The following BICC1 variants were observed in gnomAD, a reference collection of about 807,000 sequenced individuals.
BICC1 encodes the protein protein bicaudal C homolog 1.
BICC1 carries 43 observed loss-of-function variants against 111.0 expected under a neutral mutation model. The ratio of observed to expected loss-of-function variants is 0.39; its 90% confidence interval spans 0.30 to 0.50. BICC1 has a LOEUF of 0.50. Ranked by LOEUF, BICC1 falls within the 20% of genes least tolerant of loss-of-function variation. The probability of loss-of-function intolerance (pLI) is 0.88; values close to 1 mark genes in which losing one functional copy is unlikely to be tolerated. For missense variants in BICC1, 1,091 were observed against 1,203.2 expected (o/e 0.91, Z 1.38); for synonymous variants, 467 against 434.4 (o/e 1.07, Z -0.93).
At chr10:58,798,340 A>C in intron 10 of BICC1, 59 bp from the exon 11 acceptor site, 2 of 1,301,576 alleles carry the variant, frequency 1.5e-6, no homozygotes, top group Non-Finnish European at 2.1e-6. Context: ...TATTGGTGCC[A>C]TCTCTATTTT....
chr10:58,612,751 A>G (rs1198538236), intron 1 of BICC1, among the ~76,000 whole-genome samples: 1 of 152,236 alleles, frequency 6.6e-6, no homozygotes, highest in Non-Finnish European at 1.5e-5. Context: ...TAATGTTTAA[A>G]GATGTTTCAT....
rs1305781396 is a variant in BICC1, at chr10:58,796,546, A to G, written c.1366+20A>G. 1 of 1,587,964 alleles carries G rather than the reference A, an allele frequency of 6.3e-7. No individual in the cohort carries two copies. The highest frequency in any genetic ancestry group is 8.6e-7 in the Non-Finnish European group (1 of 1,165,066). ...GACTAGGTATACAATTTATTATTAC[A>G]GCGCGTCTCAGTCACTGGGGAAATG... On this transcript the variant is annotated intron_variant, in intron 10 of 20. Transcript: ENST00000373886.
chr10:58,703,467 A>G (rs1337630356), intron 3 of BICC1, among the ~76,000 whole-genome samples: 1 of 152,022 alleles, frequency 6.6e-6, no homozygotes, highest in Non-Finnish European at 1.5e-5. Flanking sequence ...CAGCCTTGTT[A>G]CCTTCTTAAT....
chr10:58,579,800 G>C (rs1183306222), intron 1 of BICC1, among the ~76,000 whole-genome samples: 1 of 152,134 alleles, frequency 6.6e-6, no homozygotes, highest in Non-Finnish European at 1.5e-5. Flanking sequence ...TGATTAGAAA[G>C]GTAAGTTTAC....
chr10:58,628,482 G>A (rs1034141248), intron 2 of BICC1, among the ~76,000 whole-genome samples: 2 of 152,058 alleles, frequency 1.3e-5, no homozygotes, highest in African/African-American at 2.4e-5. Context: ...ACATTCAGAG[G>A]TGTAAAATTT....
intron 2 of BICC1, among the ~76,000 whole-genome samples, chr10:58,663,737 G>A (rs1328262707): frequency 6.6e-6 from 1 of 152,206 alleles, no homozygotes; most frequent in Non-Finnish European, 1.5e-5. Context: ...CCCTGCCCCT[G>A]CATTCGGTGA....
intron 1 of BICC1, among the ~76,000 whole-genome samples, chr10:58,536,268 A>C (rs920928698): frequency 2.6e-5 from 4 of 151,794 alleles, no homozygotes; most frequent in African/African-American, 9.7e-5. Context: ...AGAACTGCAG[A>C]ATATACATTC....
intron 1 of BICC1, among the ~76,000 whole-genome samples, chr10:58,590,241 A>T (rs1844567188): frequency 1.3e-5 from 2 of 152,164 alleles, no homozygotes; most frequent in Non-Finnish European, 2.9e-5. Context: ...GCTGTTGCTG[A>T]CTAAGGACTA....
intron 5 of BICC1, 70 bp from the exon 6 acceptor site, chr10:58,788,300 T>A: frequency 8.6e-7 from 1 of 1,162,608 alleles, no homozygotes; most frequent in African/African-American, 1.5e-5. Flanking sequence ...AGCAAGCATA[T>A]AGATGAACTG....
At chr10:58,701,949 A>G (rs1840250965) in intron 2 of BICC1, 125 bp from the exon 3 acceptor site, 1 of 647,694 alleles carries the variant, frequency 1.5e-6, no homozygotes, top group Non-Finnish European at 2.6e-6. Context: ...ATTGTTTTCA[A>G]ATGAGATCAT....
At chr10:58,777,860 C>T (rs1056942186) in intron 3 of BICC1, among the ~76,000 whole-genome samples, 2 of 152,112 alleles carry the variant, frequency 1.3e-5, no homozygotes, top group African/African-American at 4.8e-5. Flanking sequence ...TTTGTTTTTG[C>T]ACTGCTTGCT....
chr10:58,640,327 A>G (rs1481073016), intron 2 of BICC1, among the ~76,000 whole-genome samples: 1 of 152,206 alleles, frequency 6.6e-6, no homozygotes, highest in African/African-American at 2.4e-5. Flanking sequence ...GTTATAATAG[A>G]GTGTTTGTAC....
At chr10:58,679,278 T>C (rs1839440207) in intron 2 of BICC1, among the ~76,000 whole-genome samples, 1 of 152,002 alleles carries the variant, frequency 6.6e-6, no homozygotes, top group Admixed American at 6.6e-5. Flanking sequence ...ACAAAATAGA[T>C]AGACTGCTAG....
chr10:58,782,668 C>T (rs1430399652), intron 3 of BICC1, among the ~76,000 whole-genome samples: 1 of 152,064 alleles, frequency 6.6e-6, no homozygotes, highest in East Asian at 1.9e-4. Flanking sequence ...AGGTAGACAG[C>T]TCTTTAAAAC....
At chr10:58,535,142 A>G (rs1307914884) in intron 1 of BICC1, among the ~76,000 whole-genome samples, 2 of 151,790 alleles carry the variant, frequency 1.3e-5, no homozygotes, top group African/African-American at 2.4e-5. Flanking sequence ...AGGAAAAAAC[A>G]AAAAATTTGG....
chr10:58,584,596 T>C (rs916159716), intron 1 of BICC1, among the ~76,000 whole-genome samples: 6 of 152,186 alleles, frequency 3.9e-5, no homozygotes, highest in African/African-American at 1.4e-4. Context: ...CTTTTCCTCA[T>C]TACACAGAAA....
At chr10:58,704,856 A>C (rs1280992813) in intron 3 of BICC1, among the ~76,000 whole-genome samples, 1 of 152,210 alleles carries the variant, frequency 6.6e-6, no homozygotes, top group Non-Finnish European at 1.5e-5. Flanking sequence ...ATGTTGGCTA[A>C]ATATTTGAGC....
chr10:58,739,084 C>G (rs11006242), intron 3 of BICC1, among the ~76,000 whole-genome samples: 43,686 of 151,948 alleles, frequency 0.29, 7,049 homozygotes, highest in African/African-American at 0.43. Flanking sequence ...ATTTCCTTCT[C>G]TTGCCTAATT....
At chr10:58,674,354 G>A (rs1171485721) in intron 2 of BICC1, among the ~76,000 whole-genome samples, 2 of 152,092 alleles carry the variant, frequency 1.3e-5, no homozygotes, top group Non-Finnish European at 2.9e-5. Context: ...ATGTCTGCAG[G>A]TCAAGGGGAA....
Sources: allele counts gnomAD v4.1 joint callset (sites outside exome capture counted in the v4.1 genomes callset), GRCh38; gene constraint gnomAD v4.1.1; transcripts MANE v1.5; gene names NCBI Gene and HGNC (gene_info 2026-07-23, HGNC 2026-07-21).